SPATA6: variants seen among roughly 807,000 people sequenced by gnomAD.
The protein encoded by SPATA6 is spermatogenesis associated 6, also known as spermatogenesis-associated protein 6.
Under a neutral mutation model 65.3 loss-of-function variants are expected in SPATA6, and 56 were observed. The observed-to-expected ratio is 0.86, with a 90% CI of 0.69 to 1.07. SPATA6 has a LOEUF of 1.07. Among genes scored for constraint, SPATA6 ranks in the 50% least tolerant of loss-of-function variants. SPATA6 has a pLI of 0.00. For synonymous variants in SPATA6, 199 were observed against 213.2 expected, an observed-to-expected ratio of 0.93 and a Z score of 0.58; for missense variants, 590 against 594.8, an observed-to-expected ratio of 0.99 and a Z score of 0.08.
At chr1:48,351,244 C>T (rs367899078) in intron 11 of SPATA6, among the ~76,000 whole-genome samples, 25 of 152,036 alleles carry the variant, frequency 1.6e-4, no homozygotes, top group African/African-American at 5.5e-4. Context: ...TTCTCTAGAT[C>T]CTTTAGAGTT....
intron 1 of SPATA6, among the ~76,000 whole-genome samples, chr1:48,467,606 G>C (rs1010695785): frequency 5.3e-5 from 8 of 151,994 alleles, no homozygotes; most frequent in Non-Finnish European, 7.4e-5. Context: ...AGAGTAAAAA[G>C]CTTCTACACA....
intron 1 of SPATA6, among the ~76,000 whole-genome samples, chr1:48,467,570 C>A (rs1657904972): frequency 6.6e-6 from 1 of 152,030 alleles, no homozygotes; most frequent in Middle Eastern, 3.2e-3. Flanking sequence ...ACCCAAACAA[C>A]CATCAACAAG....
chr1:48,423,829 G>A (rs558011360), intron 3 of SPATA6, among the ~76,000 whole-genome samples: 160 of 152,166 alleles, frequency 1.1e-3, no homozygotes, highest in African/African-American at 3.8e-3. Flanking sequence ...TTACAGGCAT[G>A]AGCCACTGCA....
chr1:48,334,772 A>G (rs1646014099), intron 11 of SPATA6, among the ~76,000 whole-genome samples: 1 of 152,188 alleles, frequency 6.6e-6, no homozygotes, highest in Non-Finnish European at 1.5e-5. Flanking sequence ...TAGTATTTTA[A>G]GTCCTGGCCA....
intron 3 of SPATA6, among the ~76,000 whole-genome samples, chr1:48,431,010 T>C (rs1270201677): frequency 6.6e-6 from 1 of 152,112 alleles, no homozygotes; most frequent in Non-Finnish European, 1.5e-5. Flanking sequence ...CCTGGGGATA[T>C]GCTGTCTACA....
the SPATA6 span, among the ~76,000 whole-genome samples, chr1:48,274,780 T>G: frequency 1.3e-5 from 2 of 152,236 alleles, no homozygotes; most frequent in Non-Finnish European, 2.9e-5. Context: ...GCAGGATCCC[T>G]CCAGCTTTAT....
At chr1:48,457,940 T>C (rs1657133727) in intron 1 of SPATA6, among the ~76,000 whole-genome samples, 1 of 152,134 alleles carries the variant, frequency 6.6e-6, no homozygotes, top group South Asian at 2.1e-4. Flanking sequence ...GGTGTACTTA[T>C]ATTTATAAAA....
At chr1:48,379,174 C>T (rs1648264151) in intron 9 of SPATA6, among the ~76,000 whole-genome samples, 1 of 152,168 alleles carries the variant, frequency 6.6e-6, no homozygotes, top group Non-Finnish European at 1.5e-5. Context: ...GAAACAGGCA[C>T]ATCTTACATG....
At chr1:48,420,939 A>G (rs1254214861) in intron 3 of SPATA6, among the ~76,000 whole-genome samples, 26 of 152,210 alleles carry the variant, frequency 1.7e-4, no homozygotes, top group Non-Finnish European at 5.9e-5. Context: ...CACAACACAG[A>G]AAGAAAAAAT....
At chr1:48,435,747 G>A (rs1024255012) in intron 3 of SPATA6, among the ~76,000 whole-genome samples, 13 of 151,890 alleles carry the variant, frequency 8.6e-5, no homozygotes, top group Admixed American at 2.0e-4. Flanking sequence ...CCGCCCTCCC[G>A]CGCCCCGCAC....
At chr1:48,343,269 G>T (rs1046893692) in intron 11 of SPATA6, among the ~76,000 whole-genome samples, 1 of 151,980 alleles carries the variant, frequency 6.6e-6, no homozygotes, top group African/African-American at 2.4e-5. Context: ...GCTTATTTGG[G>T]AACCAATAGT....
chr1:48,427,782 CTG>C, intron 3 of SPATA6, among the ~76,000 whole-genome samples: 1 of 152,106 alleles, frequency 6.6e-6, no homozygotes, highest in Admixed American at 6.5e-5. Context: ...CTGCATGATG[CTG>C]AGGTATGGGT....
chr1:48,281,774 G>C, the SPATA6 span, among the ~76,000 whole-genome samples: 1 of 152,062 alleles, frequency 6.6e-6, no homozygotes, highest in Admixed American at 6.6e-5. Context: ...GTAATTTATA[G>C]ATTCAATGCC....
chr1:48,413,693 G>T (rs538219042), intron 3 of SPATA6, among the ~76,000 whole-genome samples: 3 of 152,102 alleles, frequency 2.0e-5, no homozygotes, highest in South Asian at 4.1e-4. Flanking sequence ...CAACTTGAGC[G>T]TTAGGGGCAC....
At chr1:48,412,791 C>G (rs1267233443) in intron 4 of SPATA6, among the ~76,000 whole-genome samples, 2 of 152,076 alleles carry the variant, frequency 1.3e-5, no homozygotes, top group East Asian at 3.9e-4. Flanking sequence ...GATAATTTTT[C>G]TATTTTTAGT....
chr1:48,381,241 C>G (rs1570385680), intron 9 of SPATA6, among the ~76,000 whole-genome samples: 1 of 152,066 alleles, frequency 6.6e-6, no homozygotes, highest in Non-Finnish European at 1.5e-5. Context: ...ACAGGAAGAG[C>G]CCTATCTATA....
Position 48,453,123 on chromosome 1 carries a change from G to C in SPATA6, c.60C>G (p.Cys20Trp). Residue 20 changes from cysteine to tryptophan, a missense_variant, in exon 2 of 13, where the codon TGC becomes TGG. Physicochemically the swap from Cys to Trp is radical, Grantham distance 215 (BLOSUM62 -2). Transcript: ENST00000371847. ...ALALEISSVT[C>W]PGVVLKDKED... ...CTTTGTCTTTAAGCACGACTCCTGG[G>C]CAAGTTACCTGAAAGAAATTAGATA... is the stretch of plus-strand genomic sequence containing the variant. 6.2e-7 allele frequency: 1 copy of C among 1,609,256 alleles called. No individual in the cohort carries two copies. Among genetic ancestry groups the C allele is most frequent in the Non-Finnish European group, 8.5e-7 (1 of 1,178,486 alleles).
chr1:48,374,923 T>C (rs945856162), intron 9 of SPATA6, among the ~76,000 whole-genome samples: 20 of 152,300 alleles, frequency 1.3e-4, no homozygotes, highest in African/African-American at 4.3e-4. Flanking sequence ...ACTGTCAAGG[T>C]AGTGCTCTCC....
chr1:48,423,196 C>T (rs1468812123), intron 3 of SPATA6, among the ~76,000 whole-genome samples: 1 of 152,144 alleles, frequency 6.6e-6, no homozygotes, highest in Non-Finnish European at 1.5e-5. Flanking sequence ...GTGGCTCACA[C>T]CTGTAATCCC....
Sources: allele counts gnomAD v4.1 joint callset (sites outside exome capture counted in the v4.1 genomes callset), GRCh38; gene constraint gnomAD v4.1.1; transcripts MANE v1.5; gene names NCBI Gene and HGNC (gene_info 2026-07-23, HGNC 2026-07-21).